ZRANB3: variants seen among roughly 807,000 people sequenced by gnomAD.
The protein encoded by ZRANB3 is DNA annealing helicase and endonuclease ZRANB3.
Under a neutral mutation model 133.8 loss-of-function variants are expected in ZRANB3, and 125 were observed. The observed-to-expected ratio is 0.93, with a 90% CI of 0.81 to 1.08. The LOEUF is 1.08. Among genes scored for constraint, ZRANB3 ranks in the 50% least tolerant of loss-of-function variants. ZRANB3 has a pLI of 0.00. For missense variants in ZRANB3, 1,229 were observed against 1,275.5 expected (o/e 0.96, Z 0.56); for synonymous variants, 387 against 432.7 (o/e 0.89, Z 1.31).
chr2:135,498,629 G>C (rs999059791), intron 2 of ZRANB3, among the ~76,000 whole-genome samples: 1 of 152,218 alleles, frequency 6.6e-6, no homozygotes, highest in Non-Finnish European at 1.5e-5. Context: ...GGCTGCCTGA[G>C]AGCCGGGGCC....
intron 2 of ZRANB3, among the ~76,000 whole-genome samples, chr2:135,403,030 C>T (rs904001498): frequency 1.8e-4 from 27 of 152,114 alleles, no homozygotes; most frequent in African/African-American, 5.8e-4. Context: ...GTGTGGGCGA[C>T]GCAGAAGACG....
chr2:135,315,420 G>C lies in ZRANB3; in HGVS notation c.788C>G (p.Thr263Ser), dbSNP rs1683202603. The C allele has an allele frequency of 6.2e-7, 1 of 1,605,950 alleles. No homozygotes were observed. Among genetic ancestry groups the C allele is most frequent in the Non-Finnish European group, 8.5e-7 (1 of 1,177,002 alleles). Residue 263 changes from threonine (T) to serine (S), a missense_variant, in exon 7 of 21, where the codon ACC becomes AGC. Transcript: ENST00000264159. ...MIRRLKTEVLTQLPPKVRQRI... is the reference protein window; with the variant it reads ...MIRRLKTEVLSQLPPKVRQRI... ...CTGTCTGACTTTAGGGGGTAGCTGGGTTAAAACTTCAGTCTTTAATCTTCT... is the reference window on the plus strand; with the variant it reads ...CTGTCTGACTTTAGGGGGTAGCTGGCTTAAAACTTCAGTCTTTAATCTTCT...
chr2:135,425,565 T>C (rs1465435122), intron 2 of ZRANB3, among the ~76,000 whole-genome samples: 6 of 152,110 alleles, frequency 3.9e-5, no homozygotes, highest in African/African-American at 1.4e-4. Context: ...TGACAGAAAT[T>C]AAACAACTTG....
intron 1 of ZRANB3, among the ~76,000 whole-genome samples, chr2:135,524,645 G>T (rs1006989973): frequency 6.6e-6 from 1 of 152,016 alleles, no homozygotes; most frequent in African/African-American, 2.4e-5. Flanking sequence ...AGAAGAGCGG[G>T]AACACACCTT....
At chr2:135,243,954 AC>A (rs1483573080) in intron 12 of ZRANB3, among the ~76,000 whole-genome samples, 2 of 151,742 alleles carry the variant, frequency 1.3e-5, no homozygotes, top group Non-Finnish European at 2.9e-5. Context: ...AGCAAATAAA[AC>A]AAACTGATGT....
At chr2:135,237,798 G>A (rs932130376) in intron 12 of ZRANB3, among the ~76,000 whole-genome samples, 1 of 152,016 alleles carries the variant, frequency 6.6e-6, no homozygotes, top group African/African-American at 2.4e-5. Flanking sequence ...TTGTGGGGTG[G>A]GGGAAGGGGG....
chr2:135,525,147 A>G (rs1312737851), intron 1 of ZRANB3, among the ~76,000 whole-genome samples: 1 of 152,226 alleles, frequency 6.6e-6, no homozygotes, highest in Non-Finnish European at 1.5e-5. Flanking sequence ...TTAACAGCCT[A>G]TGAAGTAATT....
intron 2 of ZRANB3, among the ~76,000 whole-genome samples, chr2:135,420,297 AAATT>A (rs2104968343): frequency 6.6e-6 from 1 of 151,652 alleles, no homozygotes; most frequent in East Asian, 1.9e-4. Context: ...AAAATTAATA[AAATT>A]AAAACTGATA....
intron 2 of ZRANB3, among the ~76,000 whole-genome samples, chr2:135,480,245 T>C (rs1559026649): frequency 6.6e-6 from 1 of 152,004 alleles, no homozygotes; most frequent in Non-Finnish European, 1.5e-5. Flanking sequence ...CTTGGCCTCA[T>C]ACTTTCACTT....
chr2:135,226,766 C>A (rs996869769), intron 14 of ZRANB3, among the ~76,000 whole-genome samples: 1 of 152,090 alleles, frequency 6.6e-6, no homozygotes. Flanking sequence ...TATGCTGTCC[C>A]ATTACCAGAG....
intron 8 of ZRANB3, among the ~76,000 whole-genome samples, chr2:135,298,477 G>C (rs753749602): frequency 2.0e-5 from 3 of 151,924 alleles, no homozygotes; most frequent in Non-Finnish European, 4.4e-5. Context: ...GGGGCTCAAG[G>C]GTTGCTGTTC....
intron 2 of ZRANB3, among the ~76,000 whole-genome samples, chr2:135,491,333 T>TA (rs147388495): frequency 0.044 from 6,749 of 152,072 alleles, 503 homozygotes; most frequent in African/African-American, 0.16. Flanking sequence ...GAAATAATGT[T>TA]AAGTATTTTT....
At chr2:135,346,322 G>T (rs758102091) in intron 5 of ZRANB3, among the ~76,000 whole-genome samples, 2 of 152,010 alleles carry the variant, frequency 1.3e-5, no homozygotes, top group Non-Finnish European at 2.9e-5. Context: ...GGATGGTCTC[G>T]ATCTTCTGAC....
chr2:135,510,221 G>A (rs1233049286), intron 1 of ZRANB3, among the ~76,000 whole-genome samples: 2 of 152,106 alleles, frequency 1.3e-5, no homozygotes, highest in African/African-American at 2.4e-5. Flanking sequence ...ACATTCCTTT[G>A]GGGAAATGGC....
intron 2 of ZRANB3, among the ~76,000 whole-genome samples, chr2:135,456,188 G>C (rs538833305): frequency 2.6e-5 from 4 of 152,168 alleles, no homozygotes; most frequent in African/African-American, 9.7e-5. Context: ...TCTGAAAAAG[G>C]AATTTATTTC....
intron 8 of ZRANB3, among the ~76,000 whole-genome samples, chr2:135,307,669 T>C (rs913908385): frequency 1.3e-5 from 2 of 152,198 alleles, no homozygotes; most frequent in African/African-American, 2.4e-5. Flanking sequence ...GCAATTTCTA[T>C]TGAATGCTAG....
chr2:135,530,508 A>C (rs1694490608), intron 1 of ZRANB3: 1 of 152,250 alleles, frequency 6.6e-6, no homozygotes, highest in South Asian at 2.1e-4. Flanking sequence ...CAGCCACGCC[A>C]CTTCCAGCCA....
intron 12 of ZRANB3, among the ~76,000 whole-genome samples, chr2:135,235,625 G>T (rs1418552233): frequency 6.6e-6 from 1 of 151,228 alleles, no homozygotes; most frequent in Non-Finnish European, 1.5e-5. Context: ...AAGCAAGGCT[G>T]GTTCAACATA....
At chr2:135,375,329 G>T (rs972506671) in intron 3 of ZRANB3, among the ~76,000 whole-genome samples, 2 of 152,150 alleles carry the variant, frequency 1.3e-5, no homozygotes, top group Non-Finnish European at 2.9e-5. Context: ...AAGGCAGGTG[G>T]ATCACCTGAG....
Sources: allele counts gnomAD v4.1 joint callset (sites outside exome capture counted in the v4.1 genomes callset), GRCh38; gene constraint gnomAD v4.1.1; transcripts MANE v1.5; gene names NCBI Gene and HGNC (gene_info 2026-07-23, HGNC 2026-07-21).